Variants in WNK4 observed in about 807,000 individuals in gnomAD.
WNK4 encodes the protein WNK lysine deficient protein kinase 4, also known as serine/threonine-protein kinase WNK4.
A neutral mutation model predicts 116.2 loss-of-function variants in WNK4; 94 were observed. That is an observed-to-expected ratio of 0.81 (90% confidence interval 0.68 to 0.96). The LOEUF (loss-of-function observed/expected upper bound fraction) is 0.96, where lower values mean the gene tolerates loss of function less well. Among genes scored for constraint, WNK4 ranks in the 40% least tolerant of loss-of-function variants. The pLI is 0.00. For synonymous variants in WNK4, 655 were observed against 672.7 expected, an observed-to-expected ratio of 0.97 and a Z score of 0.41; for missense variants, 1,542 against 1,650.6, an observed-to-expected ratio of 0.93 and a Z score of 1.14.
Position 42,794,643 on chromosome 17 carries a change from C to A in WNK4, c.2325C>A (p.Pro775=), listed in dbSNP as rs771391031. The stretch of plus-strand genomic sequence containing the variant: ...AGCCAGCACCATTACCTGCCCTGCC[C>A]GTCCCCCTCCCAGACCCATCCAATG... ...QEEPAPLPAL[P]VPLPDPSNEE... The change falls in exon 13 of 19, where the codon CCC becomes CCA. Residue 775 remains proline, a synonymous_variant. Transcript: ENST00000246914. 1 of 1,613,956 alleles carries A rather than the reference C, an allele frequency of 6.2e-7. No individual in the cohort carries two copies. The highest frequency in any genetic ancestry group is 8.5e-7 in the Non-Finnish European group (1 of 1,179,960).
At chr17:42,788,484 A>C in intron 10 of WNK4, 77 bp downstream of exon 10, 1 of 1,460,376 alleles carries the variant, frequency 6.8e-7, no homozygotes, top group Non-Finnish European at 9.6e-7. Context: ...GGGGGAGGTC[A>C]CCCAGAAAAC....
rs780191203 is a variant in WNK4 at position 42,795,359 on chromosome 17, C to A, written c.2938C>A (p.His980Asn). Reference sequence around the variant, plus strand: ...TGGTGGCCAGGAAAGCCCTTCACCCCACACAGCTGAGGTGGAGAGTGAGGT... The same window carrying A: ...TGGTGGCCAGGAAAGCCCTTCACCCAACACAGCTGAGGTGGAGAGTGAGGT... ...APGGQESPSPHTAEVESEASP... is the reference protein window; with the variant it reads ...APGGQESPSPNTAEVESEASP... Residue 980 changes from histidine (H) to asparagine (N), a missense_variant, in exon 14 of 19, where the codon CAC becomes AAC. By Grantham distance (68) the His-to-Asn change is moderately conservative. Around this residue, in one of 7 missense-constraint regions of WNK4, gnomAD observed 292 missense variants for 290.1 expected, o/e 1.01. Coordinates refer to ENST00000246914, the MANE Select transcript of WNK4 (RefSeq NM_032387.5). The A allele has an allele frequency of 6.2e-7, 1 of 1,614,142 alleles. No individual in the cohort carries two copies. The highest frequency in any genetic ancestry group is 1.1e-5 in the South Asian group (1 of 91,082).
Position 42,782,721 on chromosome 17 carries a change from C to T in WNK4, c.619-37C>T, listed in dbSNP as rs745740096. On this transcript the variant is annotated intron_variant, in intron 1 of 18. Coordinates refer to ENST00000246914, the MANE Select transcript of WNK4 (RefSeq NM_032387.5). This position sits in a 1 kb window ranked among gnomAD's most constrained non-coding sequence, Gnocchi z 4.2. The stretch of plus-strand genomic sequence containing the variant: ...TGTCCCTCTTCCTTTCTGTGGGTGT[C>T]CTGGGCCTGACATGACACCCGTCCC... The T allele has an allele frequency of 5.6e-6, 9 of 1,612,918 alleles. No individual in the cohort carries two copies. The East Asian group carries it at 6.7e-5, about 12-fold the overall frequency.
chr17:42,784,154 A>T lies in WNK4; in HGVS notation c.1009A>T (p.Ile337Phe), dbSNP rs2144010739. ...LKRASFAKSV[I>F]GTPEFMAPEM... ...GCGCGCCTCCTTTGCCAAGAGTGTC[A>T]TCGGTGCGTCTCTCCAGGAGGGTCC... The change falls in exon 3 of 19, where the codon ATC (isoleucine) becomes TTC (phenylalanine). Residue 337 changes from isoleucine (I) to phenylalanine (F), a missense_variant. Around this residue, in one of 7 missense-constraint regions of WNK4, gnomAD observed 808 missense variants for 873.6 expected, o/e 0.92. Coordinates refer to ENST00000246914, the MANE Select transcript of WNK4 (RefSeq NM_032387.5). This position sits in a 1 kb window ranked among gnomAD's most constrained non-coding sequence, Gnocchi z 4.4. 1.2e-6 allele frequency: 2 copies of T among 1,605,456 alleles called. No individual in the cohort carries two copies. Among genetic ancestry groups the T allele is most frequent in the East Asian group, 4.5e-5 (2 of 44,884 alleles).
chr17:42,787,652 C>G, intron 7 of WNK4, 110 bp downstream of exon 7: 1 of 1,594,076 alleles, frequency 6.3e-7, no homozygotes, highest in South Asian at 1.1e-5. Context: ...CACCTCTAGC[C>G]ATGAAGCTCC....
Position 42,781,367 on chromosome 17 carries a change from C to T in WNK4, c.618+51C>T, listed in dbSNP as rs973726672. The T allele has an allele frequency of 2.5e-6, 4 of 1,612,534 alleles. No individual in the cohort carries two copies. The African/African-American group carries it at 5.3e-5, about 22-fold the overall frequency. On this transcript the variant is annotated intron_variant, in intron 1 of 18. Coordinates refer to ENST00000246914, the MANE Select transcript of WNK4 (RefSeq NM_032387.5). ...CACCTTGGGATGGGACTCTGGAGGT[C>T]TTAGGATGACAGACAGAGGGTGGGG...
intron 7 of WNK4, 117 bp downstream of exon 7, chr17:42,787,659 CT>C: frequency 2.5e-6 from 4 of 1,593,546 alleles, no homozygotes; most frequent in Non-Finnish European, 2.6e-6. Context: ...AGCCATGAAG[CT>C]CCCTCCAGGA....
intron 2 of WNK4, 99 bp from the exon 3 acceptor site, chr17:42,783,838 G>A: frequency 1.8e-6 from 2 of 1,139,508 alleles, no homozygotes; most frequent in Non-Finnish European, 2.6e-6. Flanking sequence ...AGATGCGGAG[G>A]CGGCAGCAGG....
At position 42,797,046 on chromosome 17, in the gene WNK4, T is replaced by G; in HGVS notation, c.*358T>G. ...CTCACACCACATTAGCAGCAACCAA[T>G]AAAAATGCTGGAAACAAGAACGCCG... On this transcript the variant is annotated 3_prime_UTR_variant, in exon 19 of 19. Transcript: ENST00000246914. 3.0e-6 allele frequency: 1 copy of G among 331,874 alleles called. No individual in the cohort carries two copies. 20.6% of individuals were successfully genotyped at this position (331,874 alleles called of 1,614,324 possible).
intron 11 of WNK4, among the ~76,000 whole-genome samples, chr17:42,790,775 C>A (rs1597900989): frequency 6.6e-6 from 1 of 152,066 alleles, no homozygotes; most frequent in South Asian, 2.1e-4. Flanking sequence ...TGTGGGAGAC[C>A]AGTTTCAGTG....
intron 11 of WNK4, among the ~76,000 whole-genome samples, chr17:42,789,587 C>T (rs56083319): frequency 0.013 from 1,983 of 151,752 alleles, 18 homozygotes; most frequent in Non-Finnish European, 0.023. Flanking sequence ...TTGCTTGAAC[C>T]CGGGAGGCGG....
chr17:42,789,580 C>T (rs1193805542), intron 11 of WNK4, among the ~76,000 whole-genome samples: 1 of 151,864 alleles, frequency 6.6e-6, no homozygotes, highest in African/African-American at 2.4e-5. Flanking sequence ...AGGAGAATTG[C>T]TTGAACCCGG....
In WNK4 at chr17:42,781,148, G is replaced by A. The variant is rs377745941; in HGVS notation, c.450G>A (p.Arg150=). The A allele has an allele frequency of 3.3e-5, 53 of 1,613,860 alleles. No homozygotes were observed. The highest frequency in any genetic ancestry group is 4.1e-5 in the Non-Finnish European group (48 of 1,179,936). ...TCCCTGAAGCTGTGGCCCTAGAGCG[G>A]CGGCGGGAGCAGGAAGAAAAGGAGG... ...LRVPEAVALE[R]RREQEEKEDM... The change falls in exon 1 of 19, where the codon CGG becomes CGA. Residue 150 remains arginine, a synonymous_variant. Transcript: ENST00000246914.
chr17:42,780,666 G>C lies in WNK4; in HGVS notation c.-33G>C. ...CAGGCCGCCTCCTCTCCGGCCGTCT[G>C]ATTTTCTACCCTTCGGCGCCCTGCT... On this transcript the variant is annotated 5_prime_UTR_variant, in exon 1 of 19. Coordinates refer to ENST00000246914, the MANE Select transcript of WNK4 (RefSeq NM_032387.5). The C allele has an allele frequency of 6.2e-7, 1 of 1,601,984 alleles. No homozygotes were observed. Among genetic ancestry groups the C allele is most frequent in the East Asian group, 2.2e-5 (1 of 44,744 alleles).
chr17:42,785,654 C>T (rs2054540873), intron 6 of WNK4, among the ~76,000 whole-genome samples, 172 bp downstream of exon 6: 1 of 152,210 alleles, frequency 6.6e-6, no homozygotes, highest in South Asian at 2.1e-4. Flanking sequence ...AACTTACCCG[C>T]ACGCACACCC....
rs944102741 is a variant in WNK4 at position 42,784,753 on chromosome 17, A to G, written c.1170+174A>G. Among the ~76,000 whole-genome samples, 7 of 151,960 alleles carry G rather than the reference A, an allele frequency of 4.6e-5. No homozygotes were observed. Among genetic ancestry groups the G allele is most frequent in the African/African-American group, 7.3e-5 (3 of 41,242 alleles). On this transcript the variant is annotated intron_variant, in intron 4 of 18. Coordinates refer to ENST00000246914, the MANE Select transcript of WNK4 (RefSeq NM_032387.5). This position sits in a 1 kb window ranked among gnomAD's most constrained non-coding sequence, Gnocchi z 4.4. ...ACACGCGCCCCCACCAGTACACGCT[A>G]TTTAGAATAATAATATGTGTGGTGC...
At position 42,782,890 on chromosome 17, in the gene WNK4, G is replaced by A; in HGVS notation, c.751G>A (p.Val251Met). ...KSVLRGQVCI[V>M]LVTELMTSGT... ...GGTGCTGAGGGGCCAGGTTTGCATC[G>A]TGCTGGTCACCGAACTCATGACCTC... Residue 251 changes from valine (V) to methionine (M), a missense_variant, in exon 2 of 19, where the codon GTG becomes ATG. Transcript: ENST00000246914. This position sits in a 1 kb window ranked among gnomAD's most constrained non-coding sequence, Gnocchi z 4.2. 1.2e-6 allele frequency: 2 copies of A among 1,614,168 alleles called. No individual in the cohort carries two copies. The highest frequency in any genetic ancestry group is 1.7e-4 in the Middle Eastern group (1 of 6,060).
In WNK4 at chr17:42,780,743, G is replaced by A. The variant is rs753485187; in HGVS notation, c.45G>A (p.Gln15=). 3.2e-5 allele frequency: 52 copies of A among 1,608,666 alleles called. No individual in the cohort carries two copies. Among genetic ancestry groups the A allele is most frequent in the Non-Finnish European group, 4.2e-5 (50 of 1,179,542 alleles). Residue 15 remains glutamine (Q), a synonymous_variant, in exon 1 of 19, where the codon CAG becomes CAA. Transcript: ENST00000246914. ...PATETTVLMS[Q]TEADLALRPP... ...CGGAGACCACCGTCCTCATGTCCCAGACTGAGGCCGACCTGGCCCTGCGGC... is the reference window on the plus strand; with the variant it reads ...CGGAGACCACCGTCCTCATGTCCCAAACTGAGGCCGACCTGGCCCTGCGGC...
Position 42,785,201 on chromosome 17 carries a change from C to T in WNK4, c.1259+16C>T, listed in dbSNP as rs370690115. 22 of 1,612,782 alleles carry T rather than the reference C, an allele frequency of 1.4e-5. No individual in the cohort carries two copies. Among genetic ancestry groups the T allele is most frequent in the Non-Finnish European group, 1.8e-5 (21 of 1,179,572 alleles). The stretch of plus-strand genomic sequence containing the variant: ...AGAACGAGAGGTGGGGGTGAAAGGG[C>T]AGAGCGTGGGTAGAATAGGGCCGCG... On this transcript the variant is annotated intron_variant, in intron 5 of 18. Coordinates refer to ENST00000246914, the MANE Select transcript of WNK4 (RefSeq NM_032387.5).
Sources: allele counts gnomAD v4.1 joint callset (sites outside exome capture counted in the v4.1 genomes callset), GRCh38; gene constraint gnomAD v4.1.1; regional missense constraint gnomAD v4.1.1; non-coding constraint Gnocchi (gnomAD v3.1); transcripts MANE v1.5; gene names NCBI Gene and HGNC (gene_info 2026-07-23, HGNC 2026-07-21).